The following DMD variants were observed in gnomAD, a reference collection of about 807,000 sequenced individuals.
DMD encodes dystrophin.
DMD carries 63 observed loss-of-function variants against 330.1 expected under a neutral mutation model. That is an observed-to-expected ratio of 0.19 (90% confidence interval 0.16 to 0.24). The LOEUF (loss-of-function observed/expected upper bound fraction) is 0.24, where lower values mean the gene tolerates loss of function less well. Among genes scored for constraint, DMD ranks in the 10% least tolerant of loss-of-function variants. The pLI, the probability that DMD is intolerant of heterozygous loss-of-function variation, is 1.00. For synonymous variants in DMD, 1,223 were observed against 959.8 expected (o/e 1.27, Z -5.07); for missense variants, 3,344 against 2,684.1 (o/e 1.25, Z -5.43).
chrX:31,470,488 GCAAAGATTGCTGT>G (rs2067215281), intron 59 of DMD, among the ~76,000 whole-genome samples: 1 of 112,055 alleles, frequency 8.9e-6, no homozygotes, highest in African/African-American at 3.2e-5. Context: ...CTGCAGAACA[GCAAAGATTGCTGT>G]CTGTTCCTTC....
intron 63 of DMD, among the ~76,000 whole-genome samples, chrX:31,244,601 T>A (rs2048657021): frequency 8.9e-6 from 1 of 111,788 alleles, no homozygotes; most frequent in Admixed American, 9.5e-5. Context: ...GGTACCCCAA[T>A]AAACTGCAAC....
chrX:33,154,329 G>C (rs1043808789), intron 1 of DMD, among the ~76,000 whole-genome samples: 1 of 111,478 alleles, frequency 9.0e-6, no homozygotes, highest in Non-Finnish European at 1.9e-5. Context: ...CCCAGGAGGC[G>C]GAAGTTGCAG....
chrX:33,072,396 C>T lies in DMD; in HGVS notation c.32-52196G>A, dbSNP rs189790443. 6.3e-5 allele frequency among the ~76,000 whole-genome samples: 7 copies of T among 111,659 alleles called. No individual in the cohort carries two copies. The East Asian group carries it at 1.7e-3, about 27-fold the overall frequency. ...TCGCACCACTGCACTCCAGCCTGGG[C>T]GATAAGAGTGAAACTCTGTTTCAAA... On this transcript the variant is annotated intron_variant, in intron 1 of 78. Coordinates refer to ENST00000357033, the MANE Select transcript of DMD (RefSeq NM_004006.3).
intron 7 of DMD, among the ~76,000 whole-genome samples, chrX:32,742,747 G>T (rs1035416132): frequency 8.9e-6 from 1 of 112,157 alleles, no homozygotes; most frequent in African/African-American, 3.2e-5. Context: ...CAAGAATCAA[G>T]GCTTTGGCCT....
intron 43 of DMD, among the ~76,000 whole-genome samples, chrX:32,265,154 T>C (rs2097339100): frequency 9.0e-6 from 1 of 111,607 alleles, no homozygotes; most frequent in African/African-American, 3.3e-5. Context: ...GGCAAAATGG[T>C]TTCCTGGGCC....
intron 17 of DMD, among the ~76,000 whole-genome samples, chrX:32,521,675 T>TA (rs1246319384): frequency 8.9e-6 from 1 of 112,488 alleles, no homozygotes; most frequent in Non-Finnish European, 1.9e-5. Context: ...TTAAACATTA[T>TA]ATGCCAAGGT....
intron 44 of DMD, among the ~76,000 whole-genome samples, chrX:32,053,712 G>C (rs1224142748): frequency 9.0e-6 from 1 of 111,348 alleles, no homozygotes; most frequent in African/African-American, 3.3e-5. Flanking sequence ...ACCCGTTAAG[G>C]TTGGTTCTAA....
intron 44 of DMD, chrX:32,206,237 A>G (rs1277219160): frequency 1.9e-6 from 1 of 514,988 alleles, no homozygotes; most frequent in African/African-American, 2.3e-5. Context: ...AGCATTTAGT[A>G]GCTGGGGAGG....
chrX:32,885,383 C>T (rs1282946359), intron 2 of DMD, among the ~76,000 whole-genome samples: 1 of 111,299 alleles, frequency 9.0e-6, no homozygotes, highest in Non-Finnish European at 1.9e-5. Flanking sequence ...CATCTTGGAA[C>T]TGCACTACTG....
intron 60 of DMD, among the ~76,000 whole-genome samples, chrX:31,351,176 A>ACACC (rs2058390042): frequency 9.0e-6 from 1 of 110,876 alleles, no homozygotes; most frequent in African/African-American, 3.3e-5. Flanking sequence ...ACACACACAC[A>ACACC]CACATATACA....
chrX:31,760,274 T>G (rs1330517059), intron 51 of DMD, among the ~76,000 whole-genome samples: 1 of 112,032 alleles, frequency 8.9e-6, no homozygotes. Context: ...TTTATTGATT[T>G]CTTAACCACT....
At chrX:31,578,126 T>C (rs1260524137) in intron 55 of DMD, among the ~76,000 whole-genome samples, 1 of 111,825 alleles carries the variant, frequency 8.9e-6, no homozygotes, top group African/African-American at 3.3e-5. Flanking sequence ...CATTGAGTTT[T>C]AAAATCCTGG....
chrX:31,946,080 T>C (rs982278317), intron 45 of DMD, among the ~76,000 whole-genome samples: 9 of 112,138 alleles, frequency 8.0e-5, no homozygotes, highest in African/African-American at 2.6e-4. Context: ...TGGAGACATA[T>C]GTTCTAAGAA....
rs893882584 is a variant in DMD at position 32,454,788 on chromosome X, A to G, written c.3477T>C (p.Thr1159=). Reference sequence around the variant, plus strand: ...CTGATAGATCTTTCTGGAGGCTTACAGTTTTCTCCAAACCTCCCTTCAAGG... The same window carrying G: ...CTGATAGATCTTTCTGGAGGCTTACGGTTTTCTCCAAACCTCCCTTCAAGG... ...KEALKGGLEK[T]VSLQKDLSEM... The change falls in exon 26 of 79, where the codon ACT becomes ACC. Residue 1159 remains threonine (T), a synonymous_variant. Coordinates refer to ENST00000357033, the MANE Select transcript of DMD (RefSeq NM_004006.3). The G allele has an allele frequency of 8.3e-7, 1 of 1,207,655 alleles. No individual in the cohort carries two copies. Among genetic ancestry groups the G allele is most frequent in the South Asian group, 1.8e-5 (1 of 56,870 alleles).
intron 44 of DMD, among the ~76,000 whole-genome samples, chrX:32,134,688 A>G (rs948500523): frequency 8.1e-5 from 9 of 111,705 alleles, no homozygotes; most frequent in South Asian, 3.8e-4. Context: ...GCGCTATATT[A>G]TTTCAAAGGG....
rs935743703 is a variant in DMD at position 32,902,772 on chromosome X, T to C, written c.94-52952A>G. ...GGAGAAAGAGAAAAAAGGTAAAACA[T>C]GATTGATATAGGAAAACAGCTTTAC... On this transcript the variant is annotated intron_variant, in intron 2 of 78. Transcript: ENST00000357033. 2.7e-4 allele frequency among the ~76,000 whole-genome samples: 30 copies of C among 110,398 alleles called. 2 individuals carry two copies. Among genetic ancestry groups the C allele is most frequent in the African/African-American group, 1.0e-3 (30 of 29,783 alleles).
chrX:31,125,003 A>ATTGTT (rs2033430282), intron 78 of DMD, among the ~76,000 whole-genome samples: 1 of 111,409 alleles, frequency 9.0e-6, no homozygotes, highest in East Asian at 2.8e-4. Flanking sequence ...AAAGGTCATT[A>ATTGTT]TTGTTTTGAT....
Position 32,400,162 on chromosome X carries a change from C to G in DMD, c.4234-9981G>C, listed in dbSNP as rs1247557219. On this transcript the variant is annotated intron_variant, in intron 30 of 78. Transcript: ENST00000357033. The stretch of plus-strand genomic sequence containing the variant: ...TACCTAATTTATTGAGAATTTTTAG[C>G]ATGAAGCGTTGTTGAATTTTGTCAA... 3.6e-5 allele frequency among the ~76,000 whole-genome samples: 4 copies of G among 111,834 alleles called. No individual in the cohort carries two copies. The South Asian group carries it at 1.5e-3, about 41-fold the overall frequency.
chrX:31,401,746 G>A (rs2075390150), intron 60 of DMD, among the ~76,000 whole-genome samples: 1 of 111,000 alleles, frequency 9.0e-6, no homozygotes, highest in African/African-American at 3.3e-5. Context: ...ATAAATCTCC[G>A]TTACATATTC....
Sources: allele counts gnomAD v4.1 joint callset (sites outside exome capture counted in the v4.1 genomes callset), GRCh38; gene constraint gnomAD v4.1.1; transcripts MANE v1.5; gene names NCBI Gene and HGNC (gene_info 2026-07-23, HGNC 2026-07-21).